Variants in MPPED2 observed in about 807,000 individuals in gnomAD.
The protein encoded by MPPED2 is metallophosphoesterase MPPED2.
A neutral mutation model predicts 33.0 loss-of-function variants in MPPED2; 5 were observed. That is an observed-to-expected ratio of 0.15 (90% CI 0.08 to 0.32). MPPED2 has a LOEUF of 0.32. MPPED2 is among the 10% of genes least tolerant of loss of function. MPPED2 has a pLI of 1.00. For missense variants in MPPED2, 275 were observed against 372.1 expected (o/e 0.74, Z 2.15); for synonymous variants, 136 against 141.9 (o/e 0.96, Z 0.29).
intron 2 of MPPED2, among the ~76,000 whole-genome samples, chr11:30,573,638 G>A (rs941352626): frequency 1.3e-5 from 2 of 152,126 alleles, no homozygotes; most frequent in African/African-American, 4.8e-5. Flanking sequence ...CTAGGCTAAT[G>A]TGTGTTCATG....
At chr11:30,416,105 G>A (rs1948343964) in intron 5 of MPPED2, among the ~76,000 whole-genome samples, 1 of 152,238 alleles carries the variant, frequency 6.6e-6, no homozygotes, top group African/African-American at 2.4e-5. Context: ...CTTGATAAAG[G>A]TTGTTGACAA....
intron 2 of MPPED2, among the ~76,000 whole-genome samples, chr11:30,546,109 C>A (rs775366518): frequency 1.3e-5 from 2 of 152,128 alleles, no homozygotes; most frequent in African/African-American, 4.8e-5. Flanking sequence ...CATGAGTCAC[C>A]GTGCCCGGCC....
chr11:30,482,618 TG>T (rs1951539758), intron 4 of MPPED2, among the ~76,000 whole-genome samples: 1 of 152,224 alleles, frequency 6.6e-6, no homozygotes, highest in Non-Finnish European at 1.5e-5. Flanking sequence ...AAAGCTTTTT[TG>T]GTCTCGTTCA....
intron 2 of MPPED2, among the ~76,000 whole-genome samples, chr11:30,553,558 G>A (rs1446387605): frequency 6.6e-6 from 1 of 152,162 alleles, no homozygotes; most frequent in African/African-American, 2.4e-5. Context: ...ATACAAAAGA[G>A]CATTTTTGCA....
chr11:30,385,271 A>G (rs1274688038), exon 7 of MPPED2: 3 of 152,200 alleles, frequency 2.0e-5, no homozygotes, highest in African/African-American at 4.8e-5. Context: ...CAAAACCCCT[A>G]AGCAGGTAGG....
At chr11:30,470,507 A>G (rs1205517974) in intron 4 of MPPED2, among the ~76,000 whole-genome samples, 4 of 152,174 alleles carry the variant, frequency 2.6e-5, no homozygotes, top group South Asian at 2.1e-4. Flanking sequence ...TGTGATGAAA[A>G]CATCCTAAAA....
At chr11:30,438,059 A>C (rs1331087415) in intron 4 of MPPED2, among the ~76,000 whole-genome samples, 1 of 152,220 alleles carries the variant, frequency 6.6e-6, no homozygotes, top group Non-Finnish European at 1.5e-5. Flanking sequence ...GATTATAATA[A>C]AGCTCAGTTA....
At chr11:30,430,482 C>T (rs906251658) in intron 4 of MPPED2, among the ~76,000 whole-genome samples, 2 of 152,042 alleles carry the variant, frequency 1.3e-5, no homozygotes, top group African/African-American at 4.8e-5. Context: ...AATGTGGCTA[C>T]CAGAAAATGT....
chr11:30,507,782 C>T (rs1183109864), intron 3 of MPPED2, among the ~76,000 whole-genome samples: 1 of 152,158 alleles, frequency 6.6e-6, no homozygotes, highest in African/African-American at 2.4e-5. Flanking sequence ...GAACACATTT[C>T]CAATAGTCTC....
chr11:30,417,881 C>A (rs926422545), intron 4 of MPPED2, among the ~76,000 whole-genome samples: 3 of 152,152 alleles, frequency 2.0e-5, no homozygotes, highest in Admixed American at 6.5e-5. Context: ...ACTTTCCCAG[C>A]AGGCCTCTAT....
chr11:30,468,962 A>G (rs948308641), intron 4 of MPPED2: 1 of 152,206 alleles, frequency 6.6e-6, no homozygotes, highest in African/African-American at 2.4e-5. Flanking sequence ...TCAGTTCAGG[A>G]AGAAATTTCT....
exon 7 of MPPED2, chr11:30,385,102 G>A (rs1448531351): frequency 6.6e-6 from 1 of 152,194 alleles, no homozygotes; most frequent in South Asian, 2.1e-4. Flanking sequence ...TAAAAGCAAA[G>A]AATTGAGACA....
chr11:30,572,250 TCTAGGAACAAATTC>T (rs1376889191), intron 2 of MPPED2, among the ~76,000 whole-genome samples: 1 of 152,164 alleles, frequency 6.6e-6, no homozygotes, highest in Non-Finnish European at 1.5e-5. Flanking sequence ...CAGCTAGGGT[TCTAGGAACAAATTC>T]CTATGGACAA....
chr11:30,544,655 A>C (rs1427552917), intron 2 of MPPED2, among the ~76,000 whole-genome samples: 1 of 152,220 alleles, frequency 6.6e-6, no homozygotes, highest in Admixed American at 6.5e-5. Context: ...CCAGTCTGAG[A>C]TGGTCCATGT....
chr11:30,400,283 C>T (rs145084645), intron 6 of MPPED2, among the ~76,000 whole-genome samples: 161 of 152,182 alleles, frequency 1.1e-3, no homozygotes, highest in African/African-American at 3.7e-3. Context: ...GCTATGTTGC[C>T]CAGGCTGGTC....
At chr11:30,533,385 A>T (rs1309248206) in intron 3 of MPPED2, among the ~76,000 whole-genome samples, 1 of 152,152 alleles carries the variant, frequency 6.6e-6, no homozygotes, top group African/African-American at 2.4e-5. Flanking sequence ...AGTCTACACT[A>T]GAGTAGAAAG....
chr11:30,429,086 A>G (rs954329388), intron 4 of MPPED2: 5 of 152,332 alleles, frequency 3.3e-5, no homozygotes, highest in African/African-American at 9.6e-5. Flanking sequence ...GGAGATAGAA[A>G]AGAGAAGTTC....
intron 3 of MPPED2, among the ~76,000 whole-genome samples, chr11:30,497,700 CCTTTCTTTCTTT>C (rs140393689): frequency 1.3e-5 from 2 of 151,686 alleles, no homozygotes; most frequent in Non-Finnish European, 2.9e-5. Context: ...CTGGGTTTTT[CCTTTCTTTCTTT>C]CTTTCTTTCT....
At chr11:30,394,509 T>A (rs1947816785) in intron 6 of MPPED2, among the ~76,000 whole-genome samples, 1 of 152,178 alleles carries the variant, frequency 6.6e-6, no homozygotes, top group African/African-American at 2.4e-5. Context: ...TAATTTGCAT[T>A]TTCTTAGTAG....
Sources: gnomAD v4.1 joint callset for allele counts (sites outside exome capture counted in the v4.1 genomes callset) on GRCh38, gnomAD v4.1.1 for gene constraint, MANE v1.5 for transcripts, NCBI Gene and HGNC (gene_info 2026-07-23, HGNC 2026-07-21) for gene names.